IFT25: variants seen among roughly 807,000 people sequenced by gnomAD.
IFT25 encodes intraflagellar transport protein 25 homolog.
chr1:53,921,419 G>A, the IFT25 span: 1 of 427,402 alleles, frequency 2.3e-6, no homozygotes, highest in East Asian at 4.0e-5. Flanking sequence ...AAATTTTCAT[G>A]TGCAGTCACT....
At chr1:53,922,492 A>T in the IFT25 span, among the ~76,000 whole-genome samples, 1 of 152,202 alleles carries the variant, frequency 6.6e-6, no homozygotes, top group African/African-American at 2.4e-5. Context: ...CTGAAGCATG[A>T]CTACATTTTT....
the IFT25 span, among the ~76,000 whole-genome samples, chr1:53,923,248 A>G: frequency 6.6e-6 from 1 of 152,210 alleles, no homozygotes; most frequent in African/African-American, 2.4e-5. Context: ...ATAAGGTACT[A>G]TTTTAACCCT....
the IFT25 span, among the ~76,000 whole-genome samples, chr1:53,937,408 G>A: frequency 6.6e-6 from 1 of 152,088 alleles, no homozygotes; most frequent in Non-Finnish European, 1.5e-5. Flanking sequence ...ATGAGCCACC[G>A]CGCCTGGCCA....
chr1:53,917,644 G>C, the IFT25 span, among the ~76,000 whole-genome samples: 3 of 151,990 alleles, frequency 2.0e-5, no homozygotes, highest in African/African-American at 7.3e-5. Flanking sequence ...TGGCCACCAT[G>C]GTGAGACCCC....
chr1:53,926,906 G>T, the IFT25 span, among the ~76,000 whole-genome samples: 24 of 151,126 alleles, frequency 1.6e-4, no homozygotes, highest in Admixed American at 3.3e-4. Flanking sequence ...ATTTTTTTTT[G>T]TAGAGACAAC....
chr1:53,926,862 A>G, the IFT25 span, among the ~76,000 whole-genome samples: 1 of 151,986 alleles, frequency 6.6e-6, no homozygotes, highest in Admixed American at 6.6e-5. Context: ...AGCTACGATT[A>G]CAGGCACATG....
chr1:53,916,418 G>GA, the IFT25 span, among the ~76,000 whole-genome samples: 3 of 152,104 alleles, frequency 2.0e-5, no homozygotes, highest in Non-Finnish European at 2.9e-5. Flanking sequence ...AGAAGACAGA[G>GA]AAAAAAGACT....
the IFT25 span, among the ~76,000 whole-genome samples, chr1:53,934,562 A>G: frequency 5.9e-5 from 9 of 152,266 alleles, no homozygotes; most frequent in Non-Finnish European, 1.3e-4. Flanking sequence ...AATTCAGCTC[A>G]AAAGTAGAAA....
the IFT25 span, among the ~76,000 whole-genome samples, chr1:53,933,163 T>C: frequency 7.0e-6 from 1 of 142,404 alleles, no homozygotes; most frequent in African/African-American, 2.7e-5. Context: ...TGAGGCGGAG[T>C]CTCACTCTGT....
chr1:53,934,292 T>C, the IFT25 span, among the ~76,000 whole-genome samples: 1 of 152,216 alleles, frequency 6.6e-6, no homozygotes, highest in Non-Finnish European at 1.5e-5. Context: ...TTTTAAATAT[T>C]TGCTTGTTTC....
the IFT25 span, among the ~76,000 whole-genome samples, chr1:53,931,689 C>T: frequency 6.6e-6 from 1 of 152,158 alleles, no homozygotes; most frequent in Admixed American, 6.5e-5. Flanking sequence ...CCTTTAGAAT[C>T]TGTAGTGATA....
At chr1:53,930,212 G>T in the IFT25 span, 5 of 1,408,996 alleles carry the variant, frequency 3.5e-6, no homozygotes, top group Admixed American at 2.8e-5. Flanking sequence ...AAATTTTATT[G>T]AATACCTGTT....
the IFT25 span, among the ~76,000 whole-genome samples, chr1:53,930,394 C>T: frequency 6.6e-6 from 1 of 152,096 alleles, no homozygotes; most frequent in Non-Finnish European, 1.5e-5. Context: ...CCCTTTATTG[C>T]CTATAATTCT....
the IFT25 span, among the ~76,000 whole-genome samples, chr1:53,930,791 A>G: frequency 2.0e-5 from 3 of 152,216 alleles, no homozygotes; most frequent in South Asian, 2.1e-4. Flanking sequence ...TACAACTGCT[A>G]CAATGGCTCA....
chr1:53,916,819 A>G, the IFT25 span: 1 of 396,148 alleles, frequency 2.5e-6, no homozygotes, highest in Non-Finnish European at 4.5e-6. Flanking sequence ...GGCTTTTGAA[A>G]TGCCTTTCCT....
the IFT25 span, chr1:53,923,664 T>G: frequency 2.6e-6 from 1 of 384,540 alleles, no homozygotes; most frequent in Non-Finnish European, 4.6e-6. Context: ...ATGAGAAAAA[T>G]AAAACAAAAA....
At chr1:53,946,237 C>G in the IFT25 span, 1 of 152,020 alleles carries the variant, frequency 6.6e-6, no homozygotes, top group Non-Finnish European at 1.5e-5. Flanking sequence ...CAGGGCCCAC[C>G]TCTGCGAGTT....
At chr1:53,930,388 T>C in the IFT25 span, among the ~76,000 whole-genome samples, 1 of 152,160 alleles carries the variant, frequency 6.6e-6, no homozygotes, top group Admixed American at 6.5e-5. Flanking sequence ...AGTGGTCCCT[T>C]TATTGCCTAT....
chr1:53,939,074 CAAAAAAAAAAA>C, the IFT25 span, among the ~76,000 whole-genome samples: 2,026 of 22,542 alleles, frequency 0.09, 35 homozygotes, highest in South Asian at 0.15. Flanking sequence ...AACTCCGTCT[CAAAAAAAAAAA>C]AAAAAAAAAA....
Sources: gnomAD v4.1 joint callset for allele counts (sites outside exome capture counted in the v4.1 genomes callset) on GRCh38, gnomAD v4.1.1 for gene constraint, MANE v1.5 for transcripts, NCBI Gene and HGNC (gene_info 2026-07-23, HGNC 2026-07-21) for gene names.